TMEM135: variants seen among roughly 807,000 people sequenced by gnomAD.
The protein encoded by TMEM135 is transmembrane protein 135.
In TMEM135, 30 loss-of-function variants were observed where a neutral mutation model predicts 60.3. The ratio of observed to expected loss-of-function variants is 0.50; its 90% CI spans 0.37 to 0.68. TMEM135 has a LOEUF of 0.68. TMEM135 is among the 30% of genes least tolerant of loss of function. The probability of loss-of-function intolerance (pLI) is 0.00; values close to 1 mark genes in which losing one functional copy is unlikely to be tolerated. For synonymous variants in TMEM135, 190 were observed against 186.7 expected (o/e 1.02, Z -0.14); for missense variants, 468 against 548.8 (o/e 0.85, Z 1.47).
chr11:87,197,547 A>G (rs532925260), intron 5 of TMEM135, among the ~76,000 whole-genome samples: 3 of 151,974 alleles, frequency 2.0e-5, no homozygotes, highest in African/African-American at 7.2e-5. Flanking sequence ...AATTTCTTCT[A>G]TTGATAGATT....
intron 5 of TMEM135, among the ~76,000 whole-genome samples, chr11:87,226,059 T>C (rs555552977): frequency 6.6e-6 from 1 of 152,316 alleles, no homozygotes; most frequent in East Asian, 1.9e-4. Context: ...AGTAATTCTT[T>C]TCTTGTTTAT....
intron 12 of TMEM135, 98 bp downstream of exon 12, chr11:87,314,645 A>T: frequency 1.0e-6 from 1 of 966,640 alleles, no homozygotes; most frequent in South Asian, 1.4e-5. Flanking sequence ...GGCAAACATA[A>T]ATTTTAATCC....
intron 1 of TMEM135, among the ~76,000 whole-genome samples, chr11:87,038,410 T>A (rs1024823340): frequency 1.3e-5 from 2 of 152,054 alleles, no homozygotes; most frequent in African/African-American, 4.8e-5. Flanking sequence ...GAGATTGAGC[T>A]GTCATCTGAA....
chr11:87,086,803 C>T (rs1857106502), intron 3 of TMEM135, among the ~76,000 whole-genome samples: 1 of 152,200 alleles, frequency 6.6e-6, no homozygotes, highest in African/African-American at 2.4e-5. Context: ...GTGGATTTGA[C>T]TTGTAGCTTG....
At chr11:87,198,434 A>T (rs1342383276) in intron 5 of TMEM135, among the ~76,000 whole-genome samples, 2 of 152,296 alleles carry the variant, frequency 1.3e-5, no homozygotes, top group East Asian at 3.9e-4. Flanking sequence ...AAAAAAGTTA[A>T]TAAGGGTACT....
At chr11:87,091,769 G>A (rs1857211649) in intron 4 of TMEM135, among the ~76,000 whole-genome samples, 1 of 151,864 alleles carries the variant, frequency 6.6e-6, no homozygotes, top group East Asian at 1.9e-4. Flanking sequence ...TATAAGGATG[G>A]GTTTTTATGA....
At chr11:87,240,982 A>C (rs1465733906) in intron 6 of TMEM135, among the ~76,000 whole-genome samples, 1 of 152,154 alleles carries the variant, frequency 6.6e-6, no homozygotes, top group Admixed American at 6.6e-5. Flanking sequence ...GCAGCATGGC[A>C]GTTTCAGTTA....
chr11:87,282,982 A>C (rs566014028), intron 6 of TMEM135, among the ~76,000 whole-genome samples: 4 of 152,302 alleles, frequency 2.6e-5, no homozygotes, highest in Admixed American at 1.3e-4. Flanking sequence ...GGAGTATTTG[A>C]AATTAAATGT....
chr11:87,137,310 T>C (rs186133714), intron 4 of TMEM135, among the ~76,000 whole-genome samples: 3 of 151,962 alleles, frequency 2.0e-5, no homozygotes, highest in African/African-American at 7.2e-5. Context: ...AATACTATTA[T>C]TGACTGAGTT....
chr11:87,195,541 C>T (rs756051027), intron 5 of TMEM135, among the ~76,000 whole-genome samples: 3 of 152,014 alleles, frequency 2.0e-5, no homozygotes, highest in Non-Finnish European at 2.9e-5. Context: ...GTTCTCCTGC[C>T]TCAGCCAGTC....
intron 5 of TMEM135, among the ~76,000 whole-genome samples, chr11:87,209,901 A>G (rs1219869521): frequency 6.6e-6 from 1 of 152,222 alleles, no homozygotes; most frequent in Non-Finnish European, 1.5e-5. Flanking sequence ...TGGAAGTTAA[A>G]CAGCCTGCTC....
chr11:87,215,397 T>C (rs567591756), intron 5 of TMEM135, among the ~76,000 whole-genome samples: 101 of 152,364 alleles, frequency 6.6e-4, no homozygotes, highest in African/African-American at 2.4e-3. Flanking sequence ...ACAGCTCTTC[T>C]GCTGGTATCT....
chr11:87,116,121 A>G (rs969649285), intron 4 of TMEM135, among the ~76,000 whole-genome samples: 1 of 152,132 alleles, frequency 6.6e-6, no homozygotes, highest in Non-Finnish European at 1.5e-5. Flanking sequence ...TTTCCATTCC[A>G]GTTTGGCCAA....
chr11:87,206,854 G>C (rs1940246311), intron 5 of TMEM135, among the ~76,000 whole-genome samples: 1 of 151,978 alleles, frequency 6.6e-6, no homozygotes, highest in African/African-American at 2.4e-5. Flanking sequence ...AATTATCTCT[G>C]TGCCTAGAGG....
At chr11:87,288,960 G>A (rs1337897724) in intron 6 of TMEM135, among the ~76,000 whole-genome samples, 2 of 152,252 alleles carry the variant, frequency 1.3e-5, no homozygotes, top group Admixed American at 6.5e-5. Flanking sequence ...TCCCATCTTG[G>A]GGGGTGAGGA....
chr11:87,111,650 C>CAAAAAA (rs746609752), intron 4 of TMEM135, among the ~76,000 whole-genome samples: 55 of 73,130 alleles, frequency 7.5e-4, no homozygotes, highest in Non-Finnish European at 1.1e-3. Context: ...GACTCCGTCT[C>CAAAAAA]AAAAAAAAAA....
At chr11:87,301,549 G>A (rs1481959593) in intron 7 of TMEM135, among the ~76,000 whole-genome samples, 1 of 152,076 alleles carries the variant, frequency 6.6e-6, no homozygotes, top group African/African-American at 2.4e-5. Flanking sequence ...ACTATGCCTG[G>A]CTCAAGTTCC....
At chr11:87,044,308 G>A (rs1242362235) in intron 1 of TMEM135, among the ~76,000 whole-genome samples, 2 of 152,116 alleles carry the variant, frequency 1.3e-5, no homozygotes, top group South Asian at 2.1e-4. Flanking sequence ...CAGACTGAGT[G>A]TTTTAAGGCA....
intron 1 of TMEM135, among the ~76,000 whole-genome samples, chr11:87,060,735 C>T (rs1037473747): frequency 1.3e-5 from 2 of 151,824 alleles, no homozygotes; most frequent in South Asian, 2.1e-4. Context: ...CTCTGCCTTC[C>T]GGGGTCATGC....
Sources: gnomAD v4.1 joint callset for allele counts (sites outside exome capture counted in the v4.1 genomes callset) on GRCh38, gnomAD v4.1.1 for gene constraint, MANE v1.5 for transcripts, NCBI Gene and HGNC (gene_info 2026-07-23, HGNC 2026-07-21) for gene names.